EXOC2: variants seen among roughly 807,000 people sequenced by gnomAD.
EXOC2 encodes SEC5-like 1.
A neutral mutation model predicts 131.8 loss-of-function variants in EXOC2; 70 were observed. The ratio of observed to expected loss-of-function variants is 0.53; its 90% CI spans 0.44 to 0.65. The LOEUF is 0.65. Among genes scored for constraint, EXOC2 ranks in the 30% least tolerant of loss-of-function variants. EXOC2 has a pLI of 0.00. For missense variants in EXOC2, 923 were observed against 1,108.6 expected (o/e 0.83, Z 2.38); for synonymous variants, 411 against 398.4 (o/e 1.03, Z -0.38).
intron 26 of EXOC2, among the ~76,000 whole-genome samples, chr6:489,343 G>C (rs1315900121): frequency 6.6e-6 from 1 of 152,216 alleles, no homozygotes; most frequent in Non-Finnish European, 1.5e-5. Context: ...ATGTGAACAT[G>C]TTTAATTTAA....
At chr6:637,884 G>A in intron 1 of EXOC2, 23 bp from the exon 2 acceptor site, 1 of 1,423,244 alleles carries the variant, frequency 7.0e-7, no homozygotes, top group East Asian at 2.3e-5. Flanking sequence ...AAAGAAAAAA[G>A]GATTAGTACC....
intron 1 of EXOC2, 100 bp from the exon 2 acceptor site, chr6:637,961 T>A: frequency 1.3e-6 from 1 of 777,822 alleles, no homozygotes; most frequent in South Asian, 1.7e-5. Flanking sequence ...ATAAAAAGTA[T>A]TCTTAAACAC....
rs148414780 is a variant in EXOC2, at chr6:644,007, TTAAA to T, written c.-43-6150_-43-6147del. Among the ~76,000 whole-genome samples, 684 of 152,264 alleles carry T rather than the reference TTAAA, an allele frequency of 4.5e-3. 6 individuals carry two copies. The highest frequency in any genetic ancestry group is 7.6e-3 in the Non-Finnish European group (516 of 67,980). The stretch of plus-strand genomic sequence containing the variant: ...GAAAATCTCAATATCTTCATAAAGA[TTAAA>T]TAAATTAAATTCATTATCAAAACTT... On this transcript the variant is annotated intron_variant, in intron 1 of 27. Transcript: ENST00000230449.
intron 7 of EXOC2, among the ~76,000 whole-genome samples, chr6:608,461 G>T (rs776602631): frequency 2.0e-4 from 31 of 152,150 alleles, no homozygotes; most frequent in Non-Finnish European, 3.8e-4. Flanking sequence ...AAGTCCTGAC[G>T]AATGGTCTCA....
At chr6:668,287 C>T (rs184870529) in intron 1 of EXOC2, among the ~76,000 whole-genome samples, 4 of 152,314 alleles carry the variant, frequency 2.6e-5, no homozygotes, top group African/African-American at 7.2e-5. Context: ...CATGTCTCTC[C>T]TACAGTCCCC....
intron 13 of EXOC2, among the ~76,000 whole-genome samples, chr6:566,694 T>TC (rs972824114): frequency 2.0e-5 from 3 of 152,008 alleles, no homozygotes; most frequent in African/African-American, 7.3e-5. Context: ...CTTGGGTACT[T>TC]TTTTTCTTTG....
chr6:596,394 G>C (rs1173688747), intron 10 of EXOC2, among the ~76,000 whole-genome samples: 1 of 151,816 alleles, frequency 6.6e-6, no homozygotes, highest in East Asian at 1.9e-4. Flanking sequence ...TTCAGAGACA[G>C]GATCTTGCTG....
Position 629,856 on chromosome 6 carries a change from G to A in EXOC2, c.401C>T (p.Pro134Leu), listed in dbSNP as rs760365995. 71 of 1,613,658 alleles carry A rather than the reference G, an allele frequency of 4.4e-5. No homozygotes were observed. The highest frequency in any genetic ancestry group is 8.0e-5 in the African/African-American group (6 of 74,882). Residue 134 changes from proline to leucine, a missense_variant, in exon 4 of 28, where the codon CCG becomes CTG. Physicochemically the swap from Pro to Leu is moderately conservative, Grantham distance 98 (BLOSUM62 -3). Transcript: ENST00000230449. ...TCACTTTTCAATCTCAATGCCAAGC[G>A]GGTTAGCAGGACGTAAGGACAAGGG... ...IPPLSLRPAN[P>L]LGIEIEKSKF...
At chr6:604,235 T>C (rs1306406472) in intron 7 of EXOC2, among the ~76,000 whole-genome samples, 1 of 152,200 alleles carries the variant, frequency 6.6e-6, no homozygotes, top group Non-Finnish European at 1.5e-5. Flanking sequence ...TGCTCCTTCA[T>C]CCATCTGAGG....
chr6:592,894 T>C (rs1759620440), intron 10 of EXOC2, among the ~76,000 whole-genome samples: 1 of 151,910 alleles, frequency 6.6e-6, no homozygotes, highest in South Asian at 2.1e-4. Flanking sequence ...GCCAAGTGTG[T>C]TGGTGCAAGC....
At chr6:574,432 T>C (rs1758468440) in intron 12 of EXOC2, among the ~76,000 whole-genome samples, 1 of 152,190 alleles carries the variant, frequency 6.6e-6, no homozygotes, top group South Asian at 2.1e-4. Flanking sequence ...GCCAACCTCG[T>C]ATCTCATTGT....
At chr6:690,609 G>A (rs1235827474) in intron 1 of EXOC2, among the ~76,000 whole-genome samples, 1 of 152,086 alleles carries the variant, frequency 6.6e-6, no homozygotes, top group Non-Finnish European at 1.5e-5. Flanking sequence ...AGGCTGAGGC[G>A]GCAGAATGGC....
chr6:599,914 G>A (rs1339084901), intron 7 of EXOC2, among the ~76,000 whole-genome samples: 1 of 151,264 alleles, frequency 6.6e-6, no homozygotes, highest in Non-Finnish European at 1.5e-5. Context: ...TGAAAGAGTT[G>A]CTTTATTTAA....
intron 1 of EXOC2, among the ~76,000 whole-genome samples, chr6:672,798 T>G (rs12333170): frequency 0.15 from 22,603 of 152,154 alleles, 1,909 homozygotes; most frequent in African/African-American, 0.22. Flanking sequence ...GAGTGGTGAC[T>G]TCCAAGCTCC....
At chr6:652,841 C>G (rs1005901150) in intron 1 of EXOC2, among the ~76,000 whole-genome samples, 1 of 152,158 alleles carries the variant, frequency 6.6e-6, no homozygotes, top group African/African-American at 2.4e-5. Context: ...TACTCAGATA[C>G]TGCACTTTTT....
intron 1 of EXOC2, among the ~76,000 whole-genome samples, chr6:646,184 T>C (rs766584732): frequency 1.3e-5 from 2 of 152,180 alleles, no homozygotes; most frequent in Non-Finnish European, 1.5e-5. Flanking sequence ...ATGGTACCAA[T>C]ATTTTATTTC....
chr6:542,221 T>C (rs1756596506), intron 22 of EXOC2, among the ~76,000 whole-genome samples: 1 of 152,194 alleles, frequency 6.6e-6, no homozygotes, highest in African/African-American at 2.4e-5. Flanking sequence ...CTGGGTTCAT[T>C]TTATCACTCT....
chr6:527,282 T>C (rs1286922507), intron 23 of EXOC2, among the ~76,000 whole-genome samples: 1 of 152,252 alleles, frequency 6.6e-6, no homozygotes, highest in East Asian at 1.9e-4. Context: ...AATTCTACGC[T>C]GGACCTGAGC....
At chr6:646,571 T>C (rs540939884) in intron 1 of EXOC2, among the ~76,000 whole-genome samples, 2 of 152,360 alleles carry the variant, frequency 1.3e-5, no homozygotes, top group South Asian at 4.1e-4. Context: ...ATTAGCCTGC[T>C]AAGCTACACA....
Sources: gnomAD v4.1 joint callset for allele counts (sites outside exome capture counted in the v4.1 genomes callset) on GRCh38, gnomAD v4.1.1 for gene constraint, MANE v1.5 for transcripts, NCBI Gene and HGNC (gene_info 2026-07-23, HGNC 2026-07-21) for gene names.